CRYM: variants seen among roughly 807,000 people sequenced by gnomAD.
CRYM encodes crystallin mu.
A neutral mutation model predicts 32.9 loss-of-function variants in CRYM; 18 were observed. The observed-to-expected ratio is 0.55, with a 90% confidence interval of 0.38 to 0.81. CRYM has a LOEUF of 0.81. Ranked by LOEUF, CRYM falls within the 30% of genes least tolerant of loss-of-function variation. The pLI, the probability that CRYM is intolerant of heterozygous loss-of-function variation, is 0.00. For missense variants in CRYM, 337 were observed against 393.5 expected (o/e 0.86, Z 1.21); for synonymous variants, 153 against 152.4 (o/e 1.00, Z -0.03).
rs1158961922 is a variant in CRYM, at chr16:21,275,494, C to G, written c.387+38G>C. On this transcript the variant is annotated intron_variant, in intron 3 of 7. Transcript: ENST00000572914. Reference sequence around the variant, plus strand: ...GATTGAGACACCAGACCCCACTTGACAGCTCACCTTAATGGTACAGCCAGC... The same window carrying G: ...GATTGAGACACCAGACCCCACTTGAGAGCTCACCTTAATGGTACAGCCAGC... 3 of 1,587,754 alleles carry G rather than the reference C, an allele frequency of 1.9e-6. No homozygotes were observed. The African/African-American group carries it at 4.0e-5, about 21-fold the overall frequency.
At chr16:21,264,209 C>T (rs939823833) in intron 5 of CRYM, among the ~76,000 whole-genome samples, 5 of 151,266 alleles carry the variant, frequency 3.3e-5, no homozygotes, top group South Asian at 2.1e-4. Context: ...GTTGTTTGTG[C>T]GGAGAGTTCT....
intron 5 of CRYM, among the ~76,000 whole-genome samples, chr16:21,265,606 T>C (rs1041622516): frequency 6.6e-6 from 1 of 152,190 alleles, no homozygotes; most frequent in Non-Finnish European, 1.5e-5. Flanking sequence ...GACTGCCTGG[T>C]TATTGTGGCA....
In CRYM at chr16:21,261,260, A is replaced by T; in HGVS notation, c.874T>A (p.Ser292Thr). 6.2e-7 allele frequency: 1 copy of T among 1,613,332 alleles called. No individual in the cohort carries two copies. Among genetic ancestry groups the T allele is most frequent in the Non-Finnish European group, 8.5e-7 (1 of 1,179,414 alleles). Residue 292 changes from serine to threonine, a missense_variant, in exon 7 of 8, where the codon TCT (serine) becomes ACT (threonine). Physicochemically the swap from Ser to Thr is moderately conservative, Grantham distance 58. Transcript: ENST00000572914. ...AGGGAGCAATGGATCTTACCCAAAG[A>T]CTTGAACACGGTGGTCTTCTCACAG... ...AHCEKTTVFKSLGMAVEDTVA... is the reference protein window; with the variant it reads ...AHCEKTTVFKTLGMAVEDTVA...
intron 1 of CRYM, chr16:21,300,272 A>C (rs920789405): frequency 1.3e-5 from 2 of 151,990 alleles, no homozygotes; most frequent in African/African-American, 4.8e-5. Context: ...CATACACTTG[A>C]TAGGAGTGGG....
At chr16:21,289,187 C>T (rs562236698) in intron 1 of CRYM, among the ~76,000 whole-genome samples, 9 of 152,232 alleles carry the variant, frequency 5.9e-5, no homozygotes, top group African/African-American at 2.2e-4. Flanking sequence ...GGGGTATTGA[C>T]ATCTCCAACT....
chr16:21,290,384 C>T (rs2152864829), intron 1 of CRYM, among the ~76,000 whole-genome samples: 1 of 152,164 alleles, frequency 6.6e-6, no homozygotes, highest in East Asian at 1.9e-4. Flanking sequence ...TGCAGCTTCT[C>T]TCCTGAGGTC....
chr16:21,277,017 C>A lies in CRYM; in HGVS notation c.324+414G>T, dbSNP rs226038. On this transcript the variant is annotated intron_variant, in intron 2 of 7. Coordinates refer to ENST00000572914, the MANE Select transcript of CRYM (RefSeq NM_001376256.1). The surrounding 1 kb of genome is among the most constrained non-coding windows in gnomAD (Gnocchi z 4.2). ...ACTATGATTAGATATTAAAACAGGT[C>A]ACACCGTATACCCCTCTGAAGACTC... 0.27 allele frequency among the ~76,000 whole-genome samples: 40,800 copies of A among 151,994 alleles called. 5,926 individuals are homozygous for A. The highest frequency in any genetic ancestry group is 0.36 in the African/African-American group (14,991 of 41,450).
chr16:21,278,656 G>A (rs2093392632), upstream of CRYM: 1 of 247,112 alleles, frequency 4.0e-6, no homozygotes, highest in Non-Finnish European at 7.9e-6. Flanking sequence ...CAGGGAAAAC[G>A]CTAACGGGGC....
rs372906896 is a variant in CRYM, at chr16:21,272,355, C to T, written c.388-2464G>A. Among the ~76,000 whole-genome samples, 45 of 152,274 alleles carry T rather than the reference C, an allele frequency of 3.0e-4. No homozygotes were observed. The Middle Eastern group carries it at 0.01, about 35-fold the overall frequency. On this transcript the variant is annotated intron_variant, in intron 3 of 7. Coordinates refer to ENST00000572914, the MANE Select transcript of CRYM (RefSeq NM_001376256.1). Reference sequence around the variant, plus strand: ...CTGGCCCTCCTATCTCTAAAGCTGTCTCTCATACCACCATGCCATGTTCCC... The same window carrying T: ...CTGGCCCTCCTATCTCTAAAGCTGTTTCTCATACCACCATGCCATGTTCCC...
intron 1 of CRYM, among the ~76,000 whole-genome samples, chr16:21,289,126 C>T (rs1960550885): frequency 6.6e-6 from 1 of 151,968 alleles, no homozygotes; most frequent in Non-Finnish European, 1.5e-5. Context: ...TTTTGTTGTT[C>T]ATATCTTATA....
intron 1 of CRYM, among the ~76,000 whole-genome samples, chr16:21,297,362 C>T (rs2152865818): frequency 6.6e-6 from 1 of 152,262 alleles, no homozygotes; most frequent in East Asian, 1.9e-4. Flanking sequence ...CATCGCACTC[C>T]AGCCTGGGCA....
chr16:21,272,904 G>A lies in CRYM; in HGVS notation c.387+2628C>T, dbSNP rs571169504. 6.3e-4 allele frequency among the ~76,000 whole-genome samples: 86 copies of A among 136,480 alleles called. 1 individual carries two copies. The South Asian group carries it at 0.018, about 29-fold the overall frequency. The allele number at this position is 136,480 out of a possible 152,430, so 89.5% of individuals were successfully genotyped here. On this transcript the variant is annotated intron_variant, in intron 3 of 7. Coordinates refer to ENST00000572914, the MANE Select transcript of CRYM (RefSeq NM_001376256.1). ...GCTGGTCTTGAACTCCTGACCTCAG[G>A]TAATCTGCCTGCCTCAGCCTCCCAA...
At chr16:21,278,449 G>A, upstream of CRYM, 3 of 630,214 alleles carry the variant, frequency 4.8e-6, no homozygotes, top group Non-Finnish European at 8.4e-6. Context: ...GGGTGGGCGA[G>A]ATGGGTCCCT....
At chr16:21,278,617 C>G, upstream of CRYM, 1 of 310,796 alleles carries the variant, frequency 3.2e-6, no homozygotes, top group Non-Finnish European at 6.1e-6. Context: ...TTGCTGCTGT[C>G]TAGGTCACCG....
chr16:21,297,598 T>A (rs1022786708), intron 1 of CRYM, among the ~76,000 whole-genome samples: 2 of 152,242 alleles, frequency 1.3e-5, no homozygotes, highest in East Asian at 1.9e-4. Context: ...TGATAAAATA[T>A]AACATAATTG....
At chr16:21,288,077 G>A (rs908469062) in intron 1 of CRYM, among the ~76,000 whole-genome samples, 3 of 152,138 alleles carry the variant, frequency 2.0e-5, no homozygotes, top group African/African-American at 4.8e-5. Context: ...AGGGAAATTC[G>A]AAAATACTTT....
intron 5 of CRYM, among the ~76,000 whole-genome samples, chr16:21,266,399 A>C (rs977198589): frequency 3.3e-5 from 5 of 152,144 alleles, no homozygotes; most frequent in African/African-American, 1.2e-4. Flanking sequence ...ATATACAAAG[A>C]ATTATACAAA....
intron 5 of CRYM, among the ~76,000 whole-genome samples, chr16:21,266,563 T>C (rs2093364129): frequency 6.6e-6 from 1 of 152,084 alleles, no homozygotes; most frequent in African/African-American, 2.4e-5. Flanking sequence ...AAAAAGCATA[T>C]ACATGTCACA....
intron 3 of CRYM, among the ~76,000 whole-genome samples, chr16:21,274,681 T>C (rs201828043): frequency 1.3e-5 from 2 of 152,214 alleles, no homozygotes; most frequent in East Asian, 3.9e-4. Flanking sequence ...TCTGGGCTCA[T>C]TGCAACCTCT....
Sources: gnomAD v4.1 joint callset for allele counts (sites outside exome capture counted in the v4.1 genomes callset) on GRCh38, gnomAD v4.1.1 for gene constraint, Gnocchi (gnomAD v3.1) non-coding constraint, MANE v1.5 for transcripts, NCBI Gene and HGNC (gene_info 2026-07-23, HGNC 2026-07-21) for gene names.